Variants in CATSPERD observed in about 807,000 individuals in gnomAD.
The protein encoded by CATSPERD is cation channel sperm-associated auxiliary subunit delta.
A neutral mutation model predicts 98.1 loss-of-function variants in CATSPERD; 86 were observed. The ratio of observed to expected loss-of-function variants is 0.88; its 90% CI spans 0.74 to 1.05. The LOEUF (loss-of-function observed/expected upper bound fraction) is 1.05, where lower values mean the gene tolerates loss of function less well. Among genes scored for constraint, CATSPERD ranks in the 50% least tolerant of loss-of-function variants. The probability of loss-of-function intolerance (pLI) is 0.00; values close to 1 mark genes in which losing one functional copy is unlikely to be tolerated. For synonymous variants in CATSPERD, 394 were observed against 390.2 expected, an observed-to-expected ratio of 1.01 and a Z score of -0.12; for missense variants, 995 against 1,005.7, an observed-to-expected ratio of 0.99 and a Z score of 0.14.
chr19:5,731,034 G>A (rs1468053360), intron 4 of CATSPERD, among the ~76,000 whole-genome samples: 1 of 150,476 alleles, frequency 6.6e-6, no homozygotes, highest in African/African-American at 2.4e-5. Flanking sequence ...GGAGCTTGTA[G>A]TGAGCCGTGA....
At chr19:5,761,902 T>G in intron 15 of CATSPERD, among the ~76,000 whole-genome samples, 1 of 150,206 alleles carries the variant, frequency 6.7e-6, no homozygotes. Context: ...ATTTTTGTTG[T>G]TGTTGTTGTA....
At chr19:5,728,420 C>CA (rs1477969272) in intron 3 of CATSPERD, among the ~76,000 whole-genome samples, 1 of 150,572 alleles carries the variant, frequency 6.6e-6, no homozygotes, top group Non-Finnish European at 1.5e-5. Flanking sequence ...CTGGGGGTGG[C>CA]AGTGTGCACC....
intron 17 of CATSPERD, among the ~76,000 whole-genome samples, chr19:5,767,946 G>A (rs1489374227): frequency 6.6e-6 from 1 of 152,036 alleles, no homozygotes; most frequent in Non-Finnish European, 1.5e-5. Flanking sequence ...AGAGGCGCGT[G>A]ATGCCACGCC....
chr19:5,776,957 T>G (rs2056750949), intron 21 of CATSPERD, among the ~76,000 whole-genome samples: 1 of 151,986 alleles, frequency 6.6e-6, no homozygotes, highest in Non-Finnish European at 1.5e-5. Context: ...AGTGGAAATA[T>G]TTACACTACG....
At chr19:5,752,891 G>A (rs1257555192) in intron 12 of CATSPERD, among the ~76,000 whole-genome samples, 1 of 152,020 alleles carries the variant, frequency 6.6e-6, no homozygotes, top group Admixed American at 6.6e-5. Context: ...AGATGGGCGT[G>A]CTGGCACATG....
At position 5,759,088 on chromosome 19, in the gene CATSPERD, T is replaced by C. The variant is rs765881930; in HGVS notation, c.1371T>C (p.Asp457=). The change falls in exon 15 of 22, where the codon GAT becomes GAC. Residue 457 remains aspartate, a splice_region_variant and synonymous_variant. Transcript: ENST00000381624. ...GATTTTCTCTCTTGACCCCACAGGA[T>C]ATTTTCCTAAAACAGCAGCAGCACT... ...TSDGNTKYKL[D]IFLKQQQHWG... is the part of the protein sequence containing the mutation. The C allele has an allele frequency of 1.2e-6, 2 of 1,613,940 alleles. No individual in the cohort carries two copies. Among genetic ancestry groups the C allele is most frequent in the Non-Finnish European group, 1.7e-6 (2 of 1,179,944 alleles).
At chr19:5,746,671 A>G (rs2056101152) in intron 9 of CATSPERD, among the ~76,000 whole-genome samples, 1 of 151,820 alleles carries the variant, frequency 6.6e-6, no homozygotes, top group Non-Finnish European at 1.5e-5. Flanking sequence ...CTGACCGCGT[A>G]ATCCACCTGC....
At chr19:5,764,472 T>C (rs1175667439) in intron 16 of CATSPERD, among the ~76,000 whole-genome samples, 3 of 151,526 alleles carry the variant, frequency 2.0e-5, no homozygotes, top group Non-Finnish European at 4.4e-5. Context: ...CCTGCCACCA[T>C]GCCTGGCTAA....
At position 5,765,931 on chromosome 19, in the gene CATSPERD, G is replaced by A. The variant is rs558154408; in HGVS notation, c.1507-172G>A. Among the ~76,000 whole-genome samples the A allele has an allele frequency of 5.9e-5, 9 of 152,198 alleles. No individual in the cohort carries two copies. In the East Asian group the frequency reaches 9.6e-4, roughly 16 times the overall value. On this transcript the variant is annotated intron_variant, in intron 16 of 21. Transcript: ENST00000381624. Reference sequence around the variant, plus strand: ...CCCAGGCTCTCAGAGCTTAAGCTCCGCGGGGCCAGCTGCAGTTACGGTGCA... The same window carrying A: ...CCCAGGCTCTCAGAGCTTAAGCTCCACGGGGCCAGCTGCAGTTACGGTGCA...
At chr19:5,744,689 C>T (rs2056062501) in intron 8 of CATSPERD, among the ~76,000 whole-genome samples, 179 bp downstream of exon 8, 1 of 152,036 alleles carries the variant, frequency 6.6e-6, no homozygotes, top group Non-Finnish European at 1.5e-5. Flanking sequence ...CAACCTCCAC[C>T]TTTCAACTTC....
At chr19:5,722,044 T>G (rs1233030249) in intron 1 of CATSPERD, among the ~76,000 whole-genome samples, 1 of 151,366 alleles carries the variant, frequency 6.6e-6, no homozygotes, top group Admixed American at 6.6e-5. Flanking sequence ...CTTGAACTCC[T>G]AGGCTCCAGT....
intron 15 of CATSPERD, 94 bp from the exon 16 acceptor site, chr19:5,763,121 C>T (rs903734074): frequency 3.0e-5 from 27 of 887,022 alleles, no homozygotes; most frequent in Admixed American, 2.3e-4. Flanking sequence ...GATGGATGCA[C>T]GGATGACTGA....
At chr19:5,756,019 G>T (rs1182478556) in intron 13 of CATSPERD, among the ~76,000 whole-genome samples, 2 of 151,888 alleles carry the variant, frequency 1.3e-5, no homozygotes, top group East Asian at 1.9e-4. Flanking sequence ...GGTGGCTCAC[G>T]CCTGTAATCC....
At chr19:5,759,185 C>T in intron 15 of CATSPERD, 41 bp downstream of exon 15, 1 of 1,576,984 alleles carries the variant, frequency 6.3e-7, no homozygotes, top group Non-Finnish European at 8.7e-7. Context: ...GGGCTGCCTA[C>T]AGGGGTTTCC....
At position 5,766,153 on chromosome 19, in the gene CATSPERD, G is replaced by C. The variant is rs1174201094; in HGVS notation, c.1557G>C (p.Gln519His). Residue 519 changes from glutamine (Q) to histidine (H), a missense_variant and splice_region_variant, in exon 17 of 22, where the codon CAG becomes CAC. By Grantham distance (24) the Gln-to-His change is conservative. Transcript: ENST00000381624. Reference sequence around the variant, plus strand: ...ACCTGGATAAAAAGATCGTCATCCAGAAGTAAGTATGTTGAGGCCGGGCAC... The same window carrying C: ...ACCTGGATAAAAAGATCGTCATCCACAAGTAAGTATGTTGAGGCCGGGCAC... ...GCDLDKKIVI[Q>H]NKVSACSMGI... is the part of the protein sequence containing the mutation. The C allele has an allele frequency of 7.4e-6, 12 of 1,612,656 alleles. No individual in the cohort carries two copies. The Admixed American group carries it at 1.0e-4, about 13-fold the overall frequency.
chr19:5,725,173 A>G (rs1008049011), intron 2 of CATSPERD, among the ~76,000 whole-genome samples: 1 of 152,100 alleles, frequency 6.6e-6, no homozygotes, highest in African/African-American at 2.4e-5. Context: ...ATTTTTTGAG[A>G]CAGGGTCTTG....
chr19:5,745,826 T>G, intron 8 of CATSPERD, 87 bp from the exon 9 acceptor site: 1 of 1,393,724 alleles, frequency 7.2e-7, no homozygotes, highest in Non-Finnish European at 9.7e-7. Context: ...CTGCACCTGC[T>G]AGCCAGACTC....
chr19:5,762,609 ATGGGTGGG>A lies in CATSPERD; in HGVS notation c.1428-602_1428-595del, dbSNP rs1166745151. Among the ~76,000 whole-genome samples, 13 of 151,780 alleles carry A rather than the reference ATGGGTGGG, an allele frequency of 8.6e-5. 1 individual carries two copies. In the South Asian group the frequency reaches 2.5e-3, roughly 29 times the overall value. ...GACGGATGGTTGGGTGGATGGGTGGATGGGTGGGTGGATGGATGGATGGATGGATGGAT... is the reference window on the plus strand; with the variant it reads ...GACGGATGGTTGGGTGGATGGGTGGATGGATGGATGGATGGATGGATGGAT... On this transcript the variant is annotated intron_variant, in intron 15 of 21. Coordinates refer to ENST00000381624, the MANE Select transcript of CATSPERD (RefSeq NM_152784.4).
intron 21 of CATSPERD, among the ~76,000 whole-genome samples, chr19:5,777,445 G>A (rs2056757288): frequency 6.6e-6 from 1 of 152,160 alleles, no homozygotes; most frequent in South Asian, 2.1e-4. Context: ...AGCCTCCACT[G>A]TCACCCACCA....
Sources: allele counts gnomAD v4.1 joint callset (sites outside exome capture counted in the v4.1 genomes callset), GRCh38; gene constraint gnomAD v4.1.1; transcripts MANE v1.5; gene names NCBI Gene and HGNC (gene_info 2026-07-23, HGNC 2026-07-21).